Variants in RAB3GAP1 observed in about 807,000 individuals in gnomAD.
RAB3GAP1 encodes the protein RAB3 GTPase activating protein catalytic subunit 1, also known as rab3 GTPase-activating protein catalytic subunit.
A neutral mutation model predicts 130.7 loss-of-function variants in RAB3GAP1; 86 were observed. The ratio of observed to expected loss-of-function variants is 0.66; its 90% CI spans 0.55 to 0.79. The LOEUF (loss-of-function observed/expected upper bound fraction) is 0.79, where lower values mean the gene tolerates loss of function less well. RAB3GAP1 is among the 30% of genes least tolerant of loss of function. The pLI is 0.00. For missense variants in RAB3GAP1, 1,029 were observed against 1,169.4 expected (o/e 0.88, Z 1.75); for synonymous variants, 367 against 401.7 (o/e 0.91, Z 1.03).
chr2:135,052,600 G>T lies in RAB3GAP1; in HGVS notation c.74+115G>T, dbSNP rs1026826250. 3.4e-5 allele frequency: 42 copies of T among 1,248,680 alleles called. No homozygotes were observed. The South Asian group carries it at 5.0e-4, about 15-fold the overall frequency. The allele number at this position is 1,248,680 out of a possible 1,614,324, so 77.4% of individuals were successfully genotyped here. A position where few individuals can be genotyped will look rare whatever the true frequency, so the allele number is the denominator to read the frequency against. On this transcript the variant is annotated intron_variant, in intron 2 of 23. Transcript: ENST00000264158. ...CCACTTGTGCGGGAACGGTAATACC[G>T]TGGGTCCCGGGTCTCCTCCCCCAGT...
chr2:135,134,896 G>A (rs933486715), intron 15 of RAB3GAP1, among the ~76,000 whole-genome samples: 5 of 152,168 alleles, frequency 3.3e-5, no homozygotes, highest in African/African-American at 1.2e-4. Context: ...TAAGAATTTA[G>A]TACTGAATAC....
chr2:135,147,853 T>C (rs1480692405), intron 17 of RAB3GAP1, among the ~76,000 whole-genome samples: 1 of 152,168 alleles, frequency 6.6e-6, no homozygotes, highest in Non-Finnish European at 1.5e-5. Flanking sequence ...ATAAGCTAAT[T>C]GTACATTTGT....
intron 13 of RAB3GAP1, among the ~76,000 whole-genome samples, chr2:135,132,194 AC>A (rs1364369592): frequency 6.6e-6 from 1 of 152,240 alleles, no homozygotes; most frequent in Non-Finnish European, 1.5e-5. Flanking sequence ...GTACCACAAA[AC>A]AATTGAGAGG....
At chr2:135,078,455 C>G (rs1291409208) in intron 3 of RAB3GAP1, among the ~76,000 whole-genome samples, 3 of 152,166 alleles carry the variant, frequency 2.0e-5, no homozygotes, top group Non-Finnish European at 4.4e-5. Flanking sequence ...CTTTTCCAAA[C>G]TGTCCCATTG....
chr2:135,096,671 T>C (rs944625781), intron 5 of RAB3GAP1, among the ~76,000 whole-genome samples: 16 of 152,218 alleles, frequency 1.1e-4, no homozygotes, highest in Admixed American at 5.2e-4. Context: ...ACTGTTTGGC[T>C]ATATACTGAA....
intron 5 of RAB3GAP1, among the ~76,000 whole-genome samples, chr2:135,108,987 A>G (rs1449938333): frequency 6.6e-6 from 1 of 152,040 alleles, no homozygotes; most frequent in African/African-American, 2.4e-5. Flanking sequence ...AGTTGACTAT[A>G]TTTATCTGGG....
At chr2:135,155,682 A>G in intron 19 of RAB3GAP1, among the ~76,000 whole-genome samples, 1 of 152,192 alleles carries the variant, frequency 6.6e-6, no homozygotes, top group East Asian at 1.9e-4. Flanking sequence ...AACAATGAGG[A>G]TGAAAACATA....
At chr2:135,070,120 G>T (rs956140127) in intron 3 of RAB3GAP1, among the ~76,000 whole-genome samples, 1 of 152,164 alleles carries the variant, frequency 6.6e-6, no homozygotes. Flanking sequence ...TGTTATCTCT[G>T]TAAACCAATG....
chr2:135,109,390 T>C (rs1690726536), intron 5 of RAB3GAP1, among the ~76,000 whole-genome samples: 1 of 152,130 alleles, frequency 6.6e-6, no homozygotes, highest in East Asian at 1.9e-4. Context: ...TATTGAAGAA[T>C]ATTTAGATTG....
intron 5 of RAB3GAP1, among the ~76,000 whole-genome samples, chr2:135,108,196 C>A (rs1251971530): frequency 6.6e-6 from 1 of 151,980 alleles, no homozygotes; most frequent in Non-Finnish European, 1.5e-5. Context: ...TGCTAAAGCA[C>A]ATTTATATTT....
intron 5 of RAB3GAP1, among the ~76,000 whole-genome samples, chr2:135,103,174 T>C (rs933863686): frequency 6.6e-6 from 1 of 150,716 alleles, no homozygotes; most frequent in African/African-American, 2.4e-5. Context: ...GTAGATGGGA[T>C]TACAGGCATA....
chr2:135,084,347 G>A (rs977348654), intron 3 of RAB3GAP1, among the ~76,000 whole-genome samples: 1 of 152,176 alleles, frequency 6.6e-6, no homozygotes, highest in Non-Finnish European at 1.5e-5. Flanking sequence ...TACATAATTT[G>A]CAAACATCTT....
At chr2:135,147,902 G>C (rs1236237573) in intron 17 of RAB3GAP1, among the ~76,000 whole-genome samples, 1 of 152,054 alleles carries the variant, frequency 6.6e-6, no homozygotes, top group African/African-American at 2.4e-5. Flanking sequence ...GTCTGAAAAA[G>C]TTATTTTGGA....
intron 11 of RAB3GAP1, among the ~76,000 whole-genome samples, chr2:135,127,098 A>G (rs1225263837): frequency 6.6e-6 from 1 of 150,878 alleles, no homozygotes; most frequent in Non-Finnish European, 1.5e-5. Flanking sequence ...GATAGTCTTG[A>G]TCTCCTGACC....
chr2:135,119,118 T>C (rs1691117868), intron 7 of RAB3GAP1, among the ~76,000 whole-genome samples: 1 of 142,502 alleles, frequency 7.0e-6, no homozygotes, highest in Admixed American at 6.9e-5. Context: ...CTTCTGTCCT[T>C]ATTTTTTTGA....
intron 16 of RAB3GAP1, 99 bp downstream of exon 16, chr2:135,135,418 C>T: frequency 7.0e-7 from 1 of 1,437,736 alleles, no homozygotes; most frequent in South Asian, 1.2e-5. Flanking sequence ...TCTCATGGTG[C>T]TGCTGTAGGT....
intron 19 of RAB3GAP1, among the ~76,000 whole-genome samples, chr2:135,159,040 A>C (rs1692394227): frequency 6.6e-6 from 1 of 152,252 alleles, no homozygotes; most frequent in African/African-American, 2.4e-5. Context: ...CCAAGACTGG[A>C]ACAATTTGAA....
downstream of RAB3GAP1, among the ~76,000 whole-genome samples, chr2:135,171,382 C>T (rs1206295482): frequency 6.6e-6 from 1 of 152,084 alleles, no homozygotes. Context: ...AGAGGAGATG[C>T]TAAGAAAGTA....
chr2:135,080,160 T>G (rs1245228306), intron 3 of RAB3GAP1, among the ~76,000 whole-genome samples: 2 of 151,246 alleles, frequency 1.3e-5, no homozygotes, highest in African/African-American at 4.9e-5. Flanking sequence ...CTTAACCTCA[T>G]GTAAGTTTAA....
Sources: gnomAD v4.1 joint callset for allele counts (sites outside exome capture counted in the v4.1 genomes callset) on GRCh38, gnomAD v4.1.1 for gene constraint, MANE v1.5 for transcripts, NCBI Gene and HGNC (gene_info 2026-07-23, HGNC 2026-07-21) for gene names.